The following SLCO3A1 variants were observed in gnomAD, a reference collection of about 807,000 sequenced individuals.
SLCO3A1 encodes PGE1 transporter.
A neutral mutation model predicts 63.1 loss-of-function variants in SLCO3A1; 27 were observed. The ratio of observed to expected loss-of-function variants is 0.43; its 90% CI spans 0.32 to 0.59. The LOEUF (loss-of-function observed/expected upper bound fraction) is 0.59, where lower values mean the gene tolerates loss of function less well. Among genes scored for constraint, SLCO3A1 ranks in the 20% least tolerant of loss-of-function variants. SLCO3A1 has a pLI of 0.09. For missense variants in SLCO3A1, 773 were observed against 945.8 expected (o/e 0.82, Z 2.40); for synonymous variants, 473 against 409.9 (o/e 1.15, Z -1.86).
chr15:91,926,603 G>A lies in SLCO3A1; in HGVS notation c.646+10145G>A, dbSNP rs569949712. On this transcript the variant is annotated intron_variant, in intron 2 of 9. Coordinates refer to ENST00000318445, the MANE Select transcript of SLCO3A1 (RefSeq NM_013272.4). ...TGTGTGTGTGTGTGTGTGTGCGCGC[G>A]CGCACGCCCATGCTTATTTTAAACC... 5.8e-4 allele frequency among the ~76,000 whole-genome samples: 84 copies of A among 145,134 alleles called. 1 individual carries two copies. Among genetic ancestry groups the A allele is most frequent in the Admixed American group, 2.0e-3 (30 of 14,942 alleles).
chr15:91,866,413 A>G (rs1179853445), intron 1 of SLCO3A1, among the ~76,000 whole-genome samples: 1 of 151,918 alleles, frequency 6.6e-6, no homozygotes, highest in African/African-American at 2.4e-5. Flanking sequence ...ACCAAAAGAG[A>G]CTTTATCACT....
chr15:92,003,632 A>G (rs560680336), intron 2 of SLCO3A1, among the ~76,000 whole-genome samples: 134 of 152,348 alleles, frequency 8.8e-4, no homozygotes, highest in Middle Eastern at 6.8e-3. Context: ...AGGAGTTGGC[A>G]AATGAGAGCT....
At chr15:92,153,761 A>C (rs2048337027) in intron 9 of SLCO3A1, 1 of 152,354 alleles carries the variant, frequency 6.6e-6, no homozygotes, top group Non-Finnish European at 1.5e-5. Flanking sequence ...AGTAAGAGTC[A>C]TACAGATGAG....
intron 9 of SLCO3A1, among the ~76,000 whole-genome samples, chr15:92,156,283 G>C (rs1161439513): frequency 6.6e-6 from 1 of 152,176 alleles, no homozygotes; most frequent in Non-Finnish European, 1.5e-5. Context: ...CCTTCCACTT[G>C]CCTACACTTT....
intron 2 of SLCO3A1, among the ~76,000 whole-genome samples, chr15:91,956,718 C>A (rs1389836705): frequency 6.6e-6 from 1 of 150,426 alleles, no homozygotes; most frequent in Non-Finnish European, 1.5e-5. Flanking sequence ...AACTTTTGTG[C>A]CCCTCCTTGT....
At chr15:92,018,081 G>C (rs2046461859) in intron 2 of SLCO3A1, among the ~76,000 whole-genome samples, 1 of 152,232 alleles carries the variant, frequency 6.6e-6, no homozygotes, top group South Asian at 2.1e-4. Flanking sequence ...TGAGGGCTGG[G>C]CTGTGGCTGA....
At chr15:92,117,038 G>A (rs2047803979) in intron 4 of SLCO3A1, among the ~76,000 whole-genome samples, 2 of 152,204 alleles carry the variant, frequency 1.3e-5, no homozygotes, top group African/African-American at 2.4e-5. Flanking sequence ...ACAAAAGCAG[G>A]CAGACTTCTA....
intron 2 of SLCO3A1, among the ~76,000 whole-genome samples, chr15:91,975,000 T>C (rs1298135698): frequency 6.6e-6 from 1 of 152,186 alleles, no homozygotes; most frequent in African/African-American, 2.4e-5. Flanking sequence ...TTAATTTCTC[T>C]GTACTGCAGT....
intron 2 of SLCO3A1, among the ~76,000 whole-genome samples, chr15:91,973,304 C>T (rs1432460201): frequency 6.6e-6 from 1 of 152,196 alleles, no homozygotes; most frequent in Non-Finnish European, 1.5e-5. Flanking sequence ...AACTTGACGG[C>T]AGCCCTCTGA....
chr15:92,048,998 G>T (rs1032174980), intron 2 of SLCO3A1, among the ~76,000 whole-genome samples: 1 of 152,222 alleles, frequency 6.6e-6, no homozygotes, highest in East Asian at 1.9e-4. Context: ...TACAGATGAG[G>T]CAGCCAAAGC....
At position 91,942,588 on chromosome 15, in the gene SLCO3A1, TG is replaced by T. The variant is rs1466767739; in HGVS notation, c.646+26131del. ...TGCTGGAAATGTATGTTTGTTTGTT[TG>T]TTTGTTTGTTTCGAGACCGAGTCTT... is the stretch of plus-strand genomic sequence containing the variant. On this transcript the variant is annotated intron_variant, in intron 2 of 9. Coordinates refer to ENST00000318445, the MANE Select transcript of SLCO3A1 (RefSeq NM_013272.4). The surrounding 1 kb of genome is among the most constrained non-coding windows in gnomAD (Gnocchi z 4.1). 9.9e-5 allele frequency among the ~76,000 whole-genome samples: 15 copies of T among 151,972 alleles called. No homozygotes were observed. The highest frequency in any genetic ancestry group is 3.4e-4 in the African/African-American group (14 of 41,254).
intron 2 of SLCO3A1, among the ~76,000 whole-genome samples, chr15:92,032,140 A>G (rs2046657657): frequency 6.6e-6 from 1 of 152,154 alleles, no homozygotes; most frequent in Non-Finnish European, 1.5e-5. Context: ...CTGCTATAGC[A>G]ATGTTTGGCC....
downstream of SLCO3A1, among the ~76,000 whole-genome samples, chr15:92,168,771 C>T (rs1014059019): frequency 2.0e-5 from 3 of 152,204 alleles, no homozygotes; most frequent in South Asian, 2.1e-4. Flanking sequence ...CCCCTTTGCT[C>T]TCATGGTTAA....
chr15:92,118,397 T>C (rs755916753), intron 4 of SLCO3A1, among the ~76,000 whole-genome samples: 38 of 152,248 alleles, frequency 2.5e-4, no homozygotes, highest in Non-Finnish European at 4.9e-4. Context: ...CTTTTTGTTA[T>C]GTCAAAGAAC....
At chr15:91,911,552 G>A (rs974760865) in intron 1 of SLCO3A1, among the ~76,000 whole-genome samples, 11 of 152,024 alleles carry the variant, frequency 7.2e-5, no homozygotes, top group Non-Finnish European at 1.2e-4. Context: ...AATGGTCAGT[G>A]GTCCTCATCT....
chr15:92,169,105 C>T (rs2048508171), downstream of SLCO3A1, among the ~76,000 whole-genome samples: 1 of 152,206 alleles, frequency 6.6e-6, no homozygotes, highest in Non-Finnish European at 1.5e-5. Flanking sequence ...GACTATGAAC[C>T]AGCTGCTGGC....
At chr15:92,047,880 A>G (rs1328909313) in intron 2 of SLCO3A1, among the ~76,000 whole-genome samples, 1 of 151,358 alleles carries the variant, frequency 6.6e-6, no homozygotes, top group Non-Finnish European at 1.5e-5. Flanking sequence ...GCCTGAGTCC[A>G]TCTTTCTCAA....
chr15:92,135,173 G>C (rs1182657405), intron 7 of SLCO3A1, among the ~76,000 whole-genome samples: 1 of 152,164 alleles, frequency 6.6e-6, no homozygotes, highest in Non-Finnish European at 1.5e-5. Context: ...AAAGCTGGAG[G>C]GAGAGATGGA....
intron 8 of SLCO3A1, among the ~76,000 whole-genome samples, chr15:92,147,922 A>G (rs1384852205): frequency 1.3e-5 from 2 of 152,348 alleles, no homozygotes; most frequent in Non-Finnish European, 2.9e-5. Context: ...GGTACTCTAC[A>G]CAAAGACTCA....
Sources: gnomAD v4.1 joint callset for allele counts (sites outside exome capture counted in the v4.1 genomes callset) on GRCh38, gnomAD v4.1.1 for gene constraint, Gnocchi (gnomAD v3.1) non-coding constraint, MANE v1.5 for transcripts, NCBI Gene and HGNC (gene_info 2026-07-23, HGNC 2026-07-21) for gene names.